The following NOL4 variants were observed in gnomAD, a reference collection of about 807,000 sequenced individuals.
The protein encoded by NOL4 is nucleolar protein 4.
Under a neutral mutation model 75.9 loss-of-function variants are expected in NOL4, and 17 were observed. The observed-to-expected ratio is 0.22, with a 90% CI of 0.15 to 0.34. NOL4 has a LOEUF of 0.34. Among genes scored for constraint, NOL4 ranks in the 10% least tolerant of loss-of-function variants. The pLI is 1.00. For missense variants in NOL4, 614 were observed against 793.5 expected (o/e 0.77, Z 2.72); for synonymous variants, 292 against 289.9 (o/e 1.01, Z -0.07).
At chr18:34,131,140 ATAAC>A (rs1054453843) in intron 1 of NOL4, among the ~76,000 whole-genome samples, 1 of 151,698 alleles carries the variant, frequency 6.6e-6, no homozygotes, top group African/African-American at 2.4e-5. Context: ...TTGAAGTAAC[ATAAC>A]ATAGCCATTA....
chr18:33,995,276 G>C (rs1280724387), intron 6 of NOL4, among the ~76,000 whole-genome samples: 9 of 151,450 alleles, frequency 5.9e-5, no homozygotes, highest in Non-Finnish European at 5.9e-5. Flanking sequence ...ATATTACTCT[G>C]ATACCAAAAC....
At chr18:33,932,556 A>T (rs2067769503) in intron 9 of NOL4, among the ~76,000 whole-genome samples, 1 of 152,124 alleles carries the variant, frequency 6.6e-6, no homozygotes, top group South Asian at 2.1e-4. Context: ...TCATTTTCAT[A>T]TGCAAATTAT....
chr18:33,922,948 G>T (rs182996009), intron 9 of NOL4, among the ~76,000 whole-genome samples: 1 of 151,892 alleles, frequency 6.6e-6, no homozygotes, highest in African/African-American at 2.4e-5. Context: ...TGTAATTATT[G>T]AAATTCTGTT....
At chr18:34,075,966 AT>A (rs906168108) in intron 5 of NOL4, among the ~76,000 whole-genome samples, 4 of 152,180 alleles carry the variant, frequency 2.6e-5, no homozygotes, top group East Asian at 1.9e-4. Context: ...CTAAGGCTTT[AT>A]TTTTTTGTGG....
At chr18:33,974,596 A>T (rs1341330936) in intron 6 of NOL4, among the ~76,000 whole-genome samples, 9 of 152,208 alleles carry the variant, frequency 5.9e-5, no homozygotes, top group African/African-American at 2.2e-4. Context: ...ACTGAAGATC[A>T]CTGATCATAG....
At chr18:34,020,137 T>G (rs1218901454) in intron 5 of NOL4, among the ~76,000 whole-genome samples, 2 of 152,134 alleles carry the variant, frequency 1.3e-5, no homozygotes, top group Non-Finnish European at 2.9e-5. Context: ...ATAATCCTTT[T>G]TTCTTTATAA....
intron 4 of NOL4, among the ~76,000 whole-genome samples, chr18:34,102,676 C>T (rs1336111175): frequency 6.6e-6 from 1 of 151,984 alleles, no homozygotes; most frequent in African/African-American, 2.4e-5. Flanking sequence ...GATCTTCTTA[C>T]ATTTTGGCCT....
At chr18:33,964,089 G>A (rs964531202) in intron 6 of NOL4, among the ~76,000 whole-genome samples, 2 of 152,146 alleles carry the variant, frequency 1.3e-5, no homozygotes, top group East Asian at 3.9e-4. Context: ...TCATGCAAAC[G>A]AGTTTATATG....
At chr18:34,143,730 T>C (rs1432838732) in intron 1 of NOL4, among the ~76,000 whole-genome samples, 4 of 151,836 alleles carry the variant, frequency 2.6e-5, no homozygotes, top group Admixed American at 2.6e-4. Flanking sequence ...CCAGGTGTGG[T>C]GGCACGCACC....
At chr18:33,879,537 C>A (rs2064130785) in intron 10 of NOL4, among the ~76,000 whole-genome samples, 1 of 151,686 alleles carries the variant, frequency 6.6e-6, no homozygotes, top group South Asian at 2.1e-4. Flanking sequence ...ATAAATTAGC[C>A]CAGCATGGAG....
chr18:34,137,779 T>TACACACACACACACACACACAC (rs1156472289), intron 1 of NOL4, among the ~76,000 whole-genome samples: 54 of 147,150 alleles, frequency 3.7e-4, no homozygotes, highest in African/African-American at 1.4e-3. Context: ...ATATACGAAA[T>TACACACACACACACACACACAC]ACACACACAC....
At chr18:34,165,812 A>G (rs1228509654) in intron 1 of NOL4, among the ~76,000 whole-genome samples, 1 of 152,004 alleles carries the variant, frequency 6.6e-6, no homozygotes, top group African/African-American at 2.4e-5. Flanking sequence ...TAACTTTTAA[A>G]TATATAATAA....
At chr18:33,888,989 G>A (rs2064935754) in intron 9 of NOL4, among the ~76,000 whole-genome samples, 1 of 151,980 alleles carries the variant, frequency 6.6e-6, no homozygotes, top group African/African-American at 2.4e-5. Context: ...CAAATCAAAA[G>A]CTAGCAGAAG....
intron 6 of NOL4, among the ~76,000 whole-genome samples, chr18:33,995,508 C>A (rs575952157): frequency 1.3e-5 from 2 of 151,470 alleles, no homozygotes; most frequent in Non-Finnish European, 3.0e-5. Flanking sequence ...TCAATAGACA[C>A]ACAAAAAGCA....
At chr18:33,887,343 A>G (rs894447866) in intron 9 of NOL4, among the ~76,000 whole-genome samples, 2 of 151,366 alleles carry the variant, frequency 1.3e-5, no homozygotes, top group Admixed American at 1.3e-4. Flanking sequence ...TTTGGTAGTC[A>G]GCAAATTGCA....
intron 10 of NOL4, among the ~76,000 whole-genome samples, chr18:33,853,716 C>G (rs1394232294): frequency 6.6e-6 from 1 of 151,962 alleles, no homozygotes; most frequent in African/African-American, 2.4e-5. Context: ...GCAAACAATA[C>G]CACAGAGAAC....
chr18:34,119,255 C>G (rs2145821963), intron 2 of NOL4, among the ~76,000 whole-genome samples: 1 of 152,308 alleles, frequency 6.6e-6, no homozygotes, highest in Non-Finnish European at 1.5e-5. Context: ...GAGTATCTAT[C>G]TGACCTTTGA....
At chr18:34,203,713 TCTCTCACACA>T (rs1476119157) in intron 1 of NOL4, among the ~76,000 whole-genome samples, 19 of 62,690 alleles carry the variant, frequency 3.0e-4, no homozygotes, top group African/African-American at 8.3e-4. Flanking sequence ...TCTCTCTCTC[TCTCTCACACA>T]CACACACACA....
intron 6 of NOL4, among the ~76,000 whole-genome samples, chr18:34,000,503 C>T (rs574908463): frequency 4.1e-4 from 62 of 152,130 alleles, no homozygotes; most frequent in Non-Finnish European, 7.8e-4. Flanking sequence ...GTCTTTTCCT[C>T]CCATAGTTCT....
Sources: gnomAD v4.1 joint callset for allele counts (sites outside exome capture counted in the v4.1 genomes callset) on GRCh38, gnomAD v4.1.1 for gene constraint, MANE v1.5 for transcripts, NCBI Gene and HGNC (gene_info 2026-07-23, HGNC 2026-07-21) for gene names.